The following CDC42SE2 variants were observed in gnomAD, a reference collection of about 807,000 sequenced individuals.
CDC42SE2 encodes the protein CDC42 small effector protein 2.
Under a neutral mutation model 11.5 loss-of-function variants are expected in CDC42SE2, and 3 were observed. That is an observed-to-expected ratio of 0.26 (90% CI 0.12 to 0.67). The LOEUF is 0.67. Among genes scored for constraint, CDC42SE2 ranks in the 30% least tolerant of loss-of-function variants. The pLI is 0.80. For missense variants in CDC42SE2, 82 were observed against 106.8 expected, an observed-to-expected ratio of 0.77 and a Z score of 1.02; for synonymous variants, 33 against 34.8, an observed-to-expected ratio of 0.95 and a Z score of 0.18.
At chr5:131,275,056 A>G (rs1757073364) in intron 1 of CDC42SE2, among the ~76,000 whole-genome samples, 2 of 152,216 alleles carry the variant, frequency 1.3e-5, no homozygotes, top group African/African-American at 4.8e-5. Context: ...TTTCAAATCA[A>G]TTTTTGTGTA....
At chr5:131,268,297 A>C (rs1429916153) in intron 1 of CDC42SE2, among the ~76,000 whole-genome samples, 1 of 151,898 alleles carries the variant, frequency 6.6e-6, no homozygotes, top group Non-Finnish European at 1.5e-5. Context: ...TCTTGACCTC[A>C]GGTGATCCAC....
rs1750796696 is a variant in CDC42SE2, at chr5:131,394,620, T to TA, written c.*3530dup. 1 of 152,344 alleles carries TA rather than the reference T, an allele frequency of 6.6e-6. No homozygotes were observed. Among genetic ancestry groups the TA allele is most frequent in the South Asian group, 2.1e-4 (1 of 4,834 alleles). The allele number at this position is 152,344 out of a possible 1,614,324, so 9.4% of individuals were successfully genotyped here. A position where few individuals can be genotyped will look rare whatever the true frequency, so the allele number is the denominator to read the frequency against. On this transcript the variant is annotated 3_prime_UTR_variant, in exon 5 of 5. Transcript: ENST00000505065. ...AATGAGTTCTGTGTTGGCTTGTAGA[T>TA]ACTAAAAAGAAAGTATTGATTTTGA...
chr5:131,394,010 G>T lies in CDC42SE2; in HGVS notation c.*2919G>T, dbSNP rs1199256721. On this transcript the variant is annotated 3_prime_UTR_variant, in exon 5 of 5. Transcript: ENST00000505065. ...GCCTGGGAGGTGCCAATAAAATCAA[G>T]AAATAAGAAAACTACAAAAAAAGAT... 1.3e-5 allele frequency: 2 copies of T among 151,890 alleles called. No individual in the cohort carries two copies. The highest frequency in any genetic ancestry group is 4.8e-5 in the African/African-American group (2 of 41,302). The allele number at this position is 151,890 out of a possible 1,614,324, so 9.4% of individuals were successfully genotyped here. A position where few individuals can be genotyped will look rare whatever the true frequency, so the allele number is the denominator to read the frequency against.
At chr5:131,306,311 G>A (rs868118611) in intron 1 of CDC42SE2, among the ~76,000 whole-genome samples, 5 of 152,088 alleles carry the variant, frequency 3.3e-5, no homozygotes, top group African/African-American at 4.8e-5. Context: ...GTCTTGGAAC[G>A]TATCCCTCAC....
At chr5:131,311,582 A>G (rs1030412133) in intron 1 of CDC42SE2, among the ~76,000 whole-genome samples, 7 of 152,290 alleles carry the variant, frequency 4.6e-5, no homozygotes, top group Admixed American at 3.3e-4. Context: ...AGGTATACCA[A>G]TCAGACGTAG....
At chr5:131,322,514 A>AT (rs1758213550) in intron 2 of CDC42SE2, among the ~76,000 whole-genome samples, 1 of 151,840 alleles carries the variant, frequency 6.6e-6, no homozygotes, top group African/African-American at 2.4e-5. Context: ...TTTTATTTTT[A>AT]TTTTTTATTT....
the CDC42SE2 span, among the ~76,000 whole-genome samples, chr5:131,222,725 C>T: frequency 1.3e-5 from 2 of 152,206 alleles, no homozygotes; most frequent in African/African-American, 4.8e-5. Flanking sequence ...TCAGCGTCTT[C>T]TTTAACAGTG....
intron 2 of CDC42SE2, among the ~76,000 whole-genome samples, chr5:131,340,247 A>G (rs560959686): frequency 1.5e-3 from 233 of 152,336 alleles, no homozygotes; most frequent in Non-Finnish European, 2.6e-3. Flanking sequence ...ATTTTTAGAA[A>G]TAATTCATAA....
At chr5:131,247,340 C>G (rs908832173) in intron 1 of CDC42SE2, among the ~76,000 whole-genome samples, 1 of 151,980 alleles carries the variant, frequency 6.6e-6, no homozygotes, top group Non-Finnish European at 1.5e-5. Flanking sequence ...GTAAAACAGC[C>G]GGGCGAGGTG....
chr5:131,327,390 ACTTT>A (rs1184286025), intron 2 of CDC42SE2, among the ~76,000 whole-genome samples: 2 of 151,780 alleles, frequency 1.3e-5, no homozygotes, highest in African/African-American at 4.8e-5. Flanking sequence ...GACTACTTTT[ACTTT>A]CTTTATCTCT....
chr5:131,248,363 C>T (rs1399869746), intron 1 of CDC42SE2, among the ~76,000 whole-genome samples: 3 of 152,226 alleles, frequency 2.0e-5, no homozygotes, highest in Admixed American at 2.0e-4. Flanking sequence ...TGGTCTCAGA[C>T]TCCTGACCTT....
At chr5:131,341,987 A>G (rs1424515073) in intron 2 of CDC42SE2, among the ~76,000 whole-genome samples, 2 of 152,150 alleles carry the variant, frequency 1.3e-5, no homozygotes, top group Non-Finnish European at 2.9e-5. Flanking sequence ...TACAATTATA[A>G]AAGTTAATAC....
At chr5:131,360,846 T>G (rs1316440214) in intron 3 of CDC42SE2, among the ~76,000 whole-genome samples, 3 of 152,226 alleles carry the variant, frequency 2.0e-5, no homozygotes, top group African/African-American at 7.2e-5. Context: ...ATTACAGGCA[T>G]GAGCCACTGT....
intron 1 of CDC42SE2, among the ~76,000 whole-genome samples, chr5:131,299,876 T>C (rs1757646201): frequency 6.6e-6 from 1 of 152,182 alleles, no homozygotes; most frequent in Admixed American, 6.5e-5. Flanking sequence ...CTGGATTGTC[T>C]GAGAACCAGC....
chr5:131,301,697 G>T (rs1454188264), intron 1 of CDC42SE2, among the ~76,000 whole-genome samples: 1 of 151,368 alleles, frequency 6.6e-6, no homozygotes, highest in African/African-American at 2.4e-5. Flanking sequence ...GATGGAGGTT[G>T]CAGTGAGCCA....
At chr5:131,309,849 T>C (rs1757863488) in intron 1 of CDC42SE2, among the ~76,000 whole-genome samples, 1 of 152,158 alleles carries the variant, frequency 6.6e-6, no homozygotes, top group African/African-American at 2.4e-5. Context: ...TTTTCTTTAT[T>C]AGTCTTGCTA....
intron 2 of CDC42SE2, among the ~76,000 whole-genome samples, chr5:131,319,876 C>G (rs1758124480): frequency 6.6e-6 from 1 of 150,650 alleles, no homozygotes; most frequent in African/African-American, 2.4e-5. Flanking sequence ...GCAGTGAAAC[C>G]CCGTCTCTAC....
At chr5:131,362,179 C>T (rs1749729401) in intron 3 of CDC42SE2, among the ~76,000 whole-genome samples, 1 of 152,152 alleles carries the variant, frequency 6.6e-6, no homozygotes, top group Non-Finnish European at 1.5e-5. Flanking sequence ...GGACCACACT[C>T]TTCCCTTCCC....
chr5:131,339,821 A>G (rs1403210597), intron 2 of CDC42SE2, among the ~76,000 whole-genome samples: 5 of 150,288 alleles, frequency 3.3e-5, no homozygotes, highest in Admixed American at 1.3e-4. Flanking sequence ...AAAAAAAAAA[A>G]AAGAGAGAGA....
Sources: gnomAD v4.1 joint callset for allele counts (sites outside exome capture counted in the v4.1 genomes callset) on GRCh38, gnomAD v4.1.1 for gene constraint, MANE v1.5 for transcripts, NCBI Gene and HGNC (gene_info 2026-07-23, HGNC 2026-07-21) for gene names.